FOXP2: variants seen among roughly 807,000 people sequenced by gnomAD.
FOXP2 encodes forkhead box P2, also known as forkhead box protein P2.
FOXP2 carries 12 observed loss-of-function variants against 115.8 expected under a neutral mutation model. The ratio of observed to expected loss-of-function variants is 0.10; its 90% confidence interval spans 0.07 to 0.17. The LOEUF is 0.17. FOXP2 is among the 10% of genes least tolerant of loss of function. The pLI is 1.00. For missense variants in FOXP2, 629 were observed against 843.5 expected (o/e 0.75, Z 3.15); for synonymous variants, 328 against 297.7 (o/e 1.10, Z -1.05).
chr7:114,570,739 G>A (rs1195093995), intron 3 of FOXP2: 6 of 1,142,884 alleles, frequency 5.2e-6, no homozygotes, highest in Non-Finnish European at 6.6e-6. Flanking sequence ...AAATGATAAT[G>A]TACGTTATTA....
At chr7:114,683,373 G>A (rs1407515823) in intron 16 of FOXP2, among the ~76,000 whole-genome samples, 3 of 152,172 alleles carry the variant, frequency 2.0e-5, no homozygotes, top group African/African-American at 7.2e-5. Flanking sequence ...TGGGGTAGCA[G>A]AAATAACAAG....
At chr7:114,309,830 C>G (rs1264337444) in intron 2 of FOXP2, among the ~76,000 whole-genome samples, 1 of 136,104 alleles carries the variant, frequency 7.3e-6, no homozygotes, top group African/African-American at 2.7e-5. Context: ...ACACTCAACT[C>G]TTTTTTTTTT....
At chr7:114,437,219 G>A (rs569631699) in intron 2 of FOXP2, among the ~76,000 whole-genome samples, 17 of 152,190 alleles carry the variant, frequency 1.1e-4, no homozygotes, top group African/African-American at 4.1e-4. Context: ...AGTGATTTAC[G>A]TGTGATTTAA....
At chr7:114,518,648 A>G (rs1798461573) in intron 2 of FOXP2, among the ~76,000 whole-genome samples, 2 of 152,038 alleles carry the variant, frequency 1.3e-5, no homozygotes, top group South Asian at 2.1e-4. Flanking sequence ...GACTACAGGC[A>G]TGGGCCACCA....
Position 114,692,713 on chromosome 7 carries a change from G to A in FOXP2, c.*2787G>A, listed in dbSNP as rs1190148116. The A allele has an allele frequency of 2.2e-6, 1 of 445,894 alleles. No individual in the cohort carries two copies. 27.6% of individuals were successfully genotyped at this position (445,894 alleles called of 1,614,324 possible). Reference sequence around the variant, plus strand: ...ATGTCTGACAATTTAAATGGCTCATGTATTCTTGCTTCTATCATAAGCTGA... The same window carrying A: ...ATGTCTGACAATTTAAATGGCTCATATATTCTTGCTTCTATCATAAGCTGA... On this transcript the variant is annotated 3_prime_UTR_variant, in exon 17 of 17. Transcript: ENST00000350908.
chr7:114,547,298 A>G (rs1286819780), intron 3 of FOXP2, among the ~76,000 whole-genome samples: 1 of 152,138 alleles, frequency 6.6e-6, no homozygotes, highest in Non-Finnish European at 1.5e-5. Flanking sequence ...AATTTTATAC[A>G]CACATTGTTT....
intron 10 of FOXP2, among the ~76,000 whole-genome samples, chr7:114,655,585 TACTC>T (rs1217452788): frequency 6.6e-6 from 1 of 152,118 alleles, no homozygotes; most frequent in African/African-American, 2.4e-5. Flanking sequence ...GAGTGGTCAA[TACTC>T]ACAACCCTCA....
rs1325797363 is a variant in FOXP2 at position 114,642,426 on chromosome 7, T to C, written c.792T>C (p.Ala264=). 2 of 1,612,142 alleles carry C rather than the reference T, an allele frequency of 1.2e-6. No individual in the cohort carries two copies. The highest frequency in any genetic ancestry group is 1.1e-5 in the South Asian group (1 of 91,042). Residue 264 remains alanine (A), a synonymous_variant, in exon 7 of 17, where the codon GCT becomes GCC. Transcript: ENST00000350908. ...ATTTTATAGCTGGCTTAAGTCCTGCTGAGATTCAGCAGTTATGGAAAGAAG... is the reference window on the plus strand; with the variant it reads ...ATTTTATAGCTGGCTTAAGTCCTGCCGAGATTCAGCAGTTATGGAAAGAAG... ...QSLPQAGLSP[A]EIQQLWKEVT...
At chr7:114,103,061 A>G (rs576736778) in intron 1 of FOXP2, among the ~76,000 whole-genome samples, 18 of 152,220 alleles carry the variant, frequency 1.2e-4, no homozygotes, top group African/African-American at 4.3e-4. Flanking sequence ...TGAACCATGA[A>G]TAACAATTAC....
chr7:114,142,514 A>T (rs1792245976), intron 1 of FOXP2, among the ~76,000 whole-genome samples: 1 of 152,220 alleles, frequency 6.6e-6, no homozygotes, highest in South Asian at 2.1e-4. Context: ...AGGAACATTT[A>T]GAATAATTTC....
intron 2 of FOXP2, among the ~76,000 whole-genome samples, chr7:114,457,920 T>G (rs960603968): frequency 2.0e-5 from 3 of 151,432 alleles, no homozygotes; most frequent in Non-Finnish European, 4.4e-5. Flanking sequence ...AGTCTTCTCA[T>G]TTTTGTATTA....
At chr7:114,432,284 C>A (rs1332571753) in intron 2 of FOXP2, among the ~76,000 whole-genome samples, 2 of 151,976 alleles carry the variant, frequency 1.3e-5, no homozygotes, top group Non-Finnish European at 2.9e-5. Context: ...AGTTACACTG[C>A]ATGCTGTTGT....
chr7:114,417,472 C>T (rs1793400874), intron 1 of FOXP2, among the ~76,000 whole-genome samples: 1 of 152,002 alleles, frequency 6.6e-6, no homozygotes, highest in African/African-American at 2.4e-5. Flanking sequence ...TAACCAATCA[C>T]TTTGAAATGC....
rs548457157 is a variant in FOXP2, at chr7:114,686,811, T to A, written c.2004-2971T>A. 9.2e-5 allele frequency among the ~76,000 whole-genome samples: 14 copies of A among 152,152 alleles called. No homozygotes were observed. The South Asian group carries it at 1.0e-3, about 11-fold the overall frequency. ...GTATACTTTTTAATATAATTATTTT[T>A]AAATTATGATTATTATAAAATTTTT... On this transcript the variant is annotated intron_variant, in intron 16 of 16. Coordinates refer to ENST00000350908, the MANE Select transcript of FOXP2 (RefSeq NM_014491.4).
chr7:114,693,073 C>A lies in FOXP2; in HGVS notation c.*3147C>A, dbSNP rs1563084620. 1 of 453,898 alleles carries A rather than the reference C, an allele frequency of 2.2e-6. No individual in the cohort carries two copies. 28.1% of individuals were successfully genotyped at this position (453,898 alleles called of 1,614,324 possible). A position where few individuals can be genotyped will look rare whatever the true frequency, so the allele number is the denominator to read the frequency against. On this transcript the variant is annotated 3_prime_UTR_variant, in exon 17 of 17. Coordinates refer to ENST00000350908, the MANE Select transcript of FOXP2 (RefSeq NM_014491.4). ...TACATAGTTTTAGTCTACAAAGACACAATTGCTTAAACCTAGTGGGCTTAA... is the reference window on the plus strand; with the variant it reads ...TACATAGTTTTAGTCTACAAAGACAAAATTGCTTAAACCTAGTGGGCTTAA...
chr7:114,462,457 C>T (rs1250476495), intron 2 of FOXP2, among the ~76,000 whole-genome samples: 5 of 146,930 alleles, frequency 3.4e-5, no homozygotes, highest in Non-Finnish European at 4.5e-5. Flanking sequence ...CTGCAACCTC[C>T]GCCTCCCGAG....
chr7:114,591,381 G>C (rs192602279), intron 3 of FOXP2, among the ~76,000 whole-genome samples: 48 of 152,138 alleles, frequency 3.2e-4, no homozygotes, highest in African/African-American at 1.0e-3. Context: ...TTTATATCCA[G>C]TTTAAATAAG....
At chr7:114,349,728 A>T (rs1343886255) in intron 2 of FOXP2, among the ~76,000 whole-genome samples, 1 of 151,832 alleles carries the variant, frequency 6.6e-6, no homozygotes, top group East Asian at 1.9e-4. Context: ...AGCATGTTTT[A>T]TAGTCAATTA....
At chr7:114,256,486 G>A (rs1795616988) in intron 1 of FOXP2, among the ~76,000 whole-genome samples, 1 of 152,116 alleles carries the variant, frequency 6.6e-6, no homozygotes, top group Non-Finnish European at 1.5e-5. Context: ...TTTGTTGGCT[G>A]CAAAAATGTC....
Sources: gnomAD v4.1 joint callset for allele counts (sites outside exome capture counted in the v4.1 genomes callset) on GRCh38, gnomAD v4.1.1 for gene constraint, MANE v1.5 for transcripts, NCBI Gene and HGNC (gene_info 2026-07-23, HGNC 2026-07-21) for gene names.